Variants in GABRA2 observed in about 807,000 individuals in gnomAD.
GABRA2 encodes gamma-aminobutyric acid receptor subunit alpha-2.
Under a neutral mutation model 48.7 loss-of-function variants are expected in GABRA2, and 16 were observed. That is an observed-to-expected ratio of 0.33 (90% confidence interval 0.22 to 0.50). The LOEUF (loss-of-function observed/expected upper bound fraction) is 0.50, where lower values mean the gene tolerates loss of function less well. Among genes scored for constraint, GABRA2 ranks in the 20% least tolerant of loss-of-function variants. The probability of loss-of-function intolerance (pLI) is 0.98; values close to 1 mark genes in which losing one functional copy is unlikely to be tolerated. For synonymous variants in GABRA2, 185 were observed against 184.5 expected (o/e 1.00, Z -0.02); for missense variants, 275 against 535.6 (o/e 0.51, Z 4.80).
chr4:46,324,810 C>T (rs1730060916), intron 4 of GABRA2, among the ~76,000 whole-genome samples: 2 of 151,424 alleles, frequency 1.3e-5, no homozygotes, highest in Non-Finnish European at 2.9e-5. Flanking sequence ...CAAGTGAAAA[C>T]ATGTCATATT....
chr4:46,344,526 CT>C (rs1733824600), intron 3 of GABRA2, among the ~76,000 whole-genome samples: 1 of 152,042 alleles, frequency 6.6e-6, no homozygotes, highest in East Asian at 1.9e-4. Context: ...AAAGAGACAT[CT>C]TTTTGCTTTG....
intron 3 of GABRA2, among the ~76,000 whole-genome samples, chr4:46,339,831 A>G (rs965686780): frequency 6.6e-6 from 1 of 151,780 alleles, no homozygotes; most frequent in Non-Finnish European, 1.5e-5. Flanking sequence ...GATTTATTTC[A>G]TGTAGTCAAG....
At chr4:46,309,696 C>A (rs1727301929) in intron 6 of GABRA2, among the ~76,000 whole-genome samples, 1 of 151,978 alleles carries the variant, frequency 6.6e-6, no homozygotes, top group Non-Finnish European at 1.5e-5. Context: ...TACATTATCT[C>A]CTTTAATTTA....
At chr4:46,298,216 G>A (rs376602537) in intron 8 of GABRA2, among the ~76,000 whole-genome samples, 22 of 152,086 alleles carry the variant, frequency 1.4e-4, no homozygotes, top group East Asian at 5.8e-4. Flanking sequence ...CTGTTTTTGC[G>A]TTGTAATTAT....
intron 4 of GABRA2, among the ~76,000 whole-genome samples, chr4:46,326,367 A>G (rs946301809): frequency 3.3e-5 from 5 of 151,910 alleles, no homozygotes; most frequent in African/African-American, 4.8e-5. Context: ...GGGTTCATAC[A>G]GTTACCCAGT....
At chr4:46,305,994 A>C (rs2109645878) in intron 6 of GABRA2, among the ~76,000 whole-genome samples, 1 of 152,328 alleles carries the variant, frequency 6.6e-6, no homozygotes, top group South Asian at 2.1e-4. Flanking sequence ...CTGGGCCCTT[A>C]GATGATTATA....
intron 8 of GABRA2, among the ~76,000 whole-genome samples, chr4:46,282,522 C>T (rs1178811355): frequency 6.6e-6 from 1 of 152,162 alleles, no homozygotes; most frequent in East Asian, 1.9e-4. Flanking sequence ...CCCACACTAG[C>T]ATAATTTGCT....
chr4:46,379,265 C>T (rs1188517415), intron 3 of GABRA2, among the ~76,000 whole-genome samples: 9 of 152,126 alleles, frequency 5.9e-5, no homozygotes, highest in Admixed American at 5.9e-4. Context: ...ATTTCCATGC[C>T]ATATGGAGAG....
At chr4:46,274,550 C>T (rs1169345351) in intron 8 of GABRA2, among the ~76,000 whole-genome samples, 4 of 152,010 alleles carry the variant, frequency 2.6e-5, no homozygotes, top group Admixed American at 2.0e-4. Flanking sequence ...TTGAATTCTG[C>T]TTGTGCCACA....
chr4:46,313,235 C>T (rs1024716413), intron 4 of GABRA2, among the ~76,000 whole-genome samples: 3 of 147,336 alleles, frequency 2.0e-5, no homozygotes, highest in African/African-American at 7.5e-5. Context: ...AAGAAAAAAA[C>T]ACAACACTTA....
At chr4:46,280,220 C>T (rs931154099) in intron 8 of GABRA2, among the ~76,000 whole-genome samples, 4 of 151,958 alleles carry the variant, frequency 2.6e-5, no homozygotes, top group African/African-American at 9.7e-5. Context: ...AATCGTGAGA[C>T]AGTTTGCAAT....
chr4:46,330,224 T>C (rs1731097746), intron 4 of GABRA2, among the ~76,000 whole-genome samples: 1 of 152,180 alleles, frequency 6.6e-6, no homozygotes, highest in Admixed American at 6.6e-5. Flanking sequence ...AGAAAGCATA[T>C]CTTGAGTCTG....
rs116829249 is a variant in GABRA2 at position 46,296,438 on chromosome 4, G to T, written c.856+7022C>A. 8.6e-3 allele frequency among the ~76,000 whole-genome samples: 1,304 copies of T among 152,122 alleles called. 21 individuals are homozygous for T. Among genetic ancestry groups the T allele is most frequent in the African/African-American group, 0.03 (1,263 of 41,492 alleles). On this transcript the variant is annotated intron_variant, in intron 8 of 9. Transcript: ENST00000381620. Reference sequence around the variant, plus strand: ...TTAAGTCAACAGAATAAGAAGGGAGGTACATTATTGGCTGGGGTCTATCAA... The same window carrying T: ...TTAAGTCAACAGAATAAGAAGGGAGTTACATTATTGGCTGGGGTCTATCAA...
chr4:46,277,687 C>T (rs574843453), intron 8 of GABRA2, among the ~76,000 whole-genome samples: 2 of 152,082 alleles, frequency 1.3e-5, no homozygotes, highest in African/African-American at 4.8e-5. Context: ...CTCTGCATGA[C>T]CTTATCCATG....
chr4:46,297,969 C>T (rs889884634), intron 8 of GABRA2, among the ~76,000 whole-genome samples: 3 of 151,938 alleles, frequency 2.0e-5, no homozygotes, highest in Non-Finnish European at 4.4e-5. Context: ...TTATAATTTC[C>T]CATGTGATTT....
rs1714450592 is a variant in GABRA2, at chr4:46,250,151, A to G, written c.*157T>C. 1.7e-6 allele frequency: 1 copy of G among 595,136 alleles called. No individual in the cohort carries two copies. The highest frequency in any genetic ancestry group is 2.9e-6 in the Non-Finnish European group (1 of 348,774). The allele number at this position is 595,136 out of a possible 1,614,324, so 36.9% of individuals were successfully genotyped here. A position where few individuals can be genotyped will look rare whatever the true frequency, so the allele number is the denominator to read the frequency against. On this transcript the variant is annotated 3_prime_UTR_variant, in exon 10 of 10. Coordinates refer to ENST00000381620, the MANE Select transcript of GABRA2 (RefSeq NM_000807.4). ...TGTCTGCAGTTCCATGAGTTAGCAA[A>G]TGCATGTCTCCATTAAAGGTCTACT...
chr4:46,314,757 C>T (rs1378813006), intron 4 of GABRA2, among the ~76,000 whole-genome samples: 3 of 152,004 alleles, frequency 2.0e-5, no homozygotes, highest in Non-Finnish European at 2.9e-5. Flanking sequence ...TCTGTTACTG[C>T]GTTGATTTGC....
chr4:46,312,369 T>C (rs542624471), intron 5 of GABRA2, 127 bp downstream of exon 5: 14 of 596,370 alleles, frequency 2.3e-5, no homozygotes, highest in Admixed American at 9.9e-5. Context: ...AAGCATATTA[T>C]TGGTACTTCA....
At chr4:46,293,571 C>T (rs1464372924) in intron 8 of GABRA2, among the ~76,000 whole-genome samples, 2 of 152,032 alleles carry the variant, frequency 1.3e-5, no homozygotes, top group African/African-American at 4.8e-5. Flanking sequence ...CCAGTCAGGC[C>T]CTGGACTCAT....
Sources: allele counts gnomAD v4.1 joint callset (sites outside exome capture counted in the v4.1 genomes callset), GRCh38; gene constraint gnomAD v4.1.1; transcripts MANE v1.5; gene names NCBI Gene and HGNC (gene_info 2026-07-23, HGNC 2026-07-21).